Variants in CRPPA observed in about 807,000 individuals in gnomAD.
The protein encoded by CRPPA is D-ribitol-5-phosphate cytidylyltransferase.
In CRPPA, 43 loss-of-function variants were observed where a neutral mutation model predicts 52.0. The observed-to-expected ratio is 0.83, with a 90% CI of 0.65 to 1.07. The LOEUF is 1.07. CRPPA is among the 50% of genes least tolerant of loss of function. The pLI, the probability that CRPPA is intolerant of heterozygous loss-of-function variation, is 0.00. For synonymous variants in CRPPA, 250 were observed against 203.5 expected, an observed-to-expected ratio of 1.23 and a Z score of -1.94; for missense variants, 629 against 551.7, an observed-to-expected ratio of 1.14 and a Z score of -1.40.
chr7:16,338,266 A>G (rs1187964782), intron 3 of CRPPA, among the ~76,000 whole-genome samples: 2 of 152,250 alleles, frequency 1.3e-5, no homozygotes, highest in African/African-American at 4.8e-5. Flanking sequence ...GTAATATACT[A>G]CATTAACAAA....
chr7:16,396,224 C>T (rs1390710076), intron 2 of CRPPA, among the ~76,000 whole-genome samples: 1 of 152,126 alleles, frequency 6.6e-6, no homozygotes, highest in Admixed American at 6.6e-5. Flanking sequence ...ATGAATAAAG[C>T]CTGACCTGAA....
At chr7:16,145,613 G>A (rs1782959657) in intron 9 of CRPPA, among the ~76,000 whole-genome samples, 3 of 146,124 alleles carry the variant, frequency 2.1e-5, no homozygotes, top group African/African-American at 5.0e-5. Context: ...AGGAGAATTA[G>A]AAGTTTAACT....
intron 9 of CRPPA, among the ~76,000 whole-genome samples, chr7:16,187,814 A>G (rs1463722756): frequency 1.3e-5 from 2 of 152,112 alleles, no homozygotes; most frequent in African/African-American, 2.4e-5. Context: ...GATGATGGGA[A>G]GGCAAATCTC....
intron 3 of CRPPA, among the ~76,000 whole-genome samples, chr7:16,358,683 C>T (rs539017230): frequency 6.6e-6 from 1 of 152,170 alleles, no homozygotes; most frequent in African/African-American, 2.4e-5. Context: ...TTCAGAGTAA[C>T]TACTTGAGGC....
intron 8 of CRPPA, among the ~76,000 whole-genome samples, chr7:16,246,963 G>A (rs1013785559): frequency 6.6e-6 from 1 of 152,148 alleles, no homozygotes; most frequent in Non-Finnish European, 1.5e-5. Context: ...TTGAAGCTAG[G>A]CATTGACTTC....
At position 16,090,700 on chromosome 7, in the gene CRPPA, C is replaced by T. The variant is rs1463323975; in HGVS notation, c.*995G>A. Reference sequence around the variant, plus strand: ...ATTGTGCCACTGCACTCCAGCCTGACAGAGGGCGACTGCATTTCAAAACAA... The same window carrying T: ...ATTGTGCCACTGCACTCCAGCCTGATAGAGGGCGACTGCATTTCAAAACAA... On this transcript the variant is annotated 3_prime_UTR_variant, in exon 10 of 10. Transcript: ENST00000407010. 2 of 151,896 alleles carry T rather than the reference C, an allele frequency of 1.3e-5. No homozygotes were observed. Among genetic ancestry groups the T allele is most frequent in the Non-Finnish European group, 2.9e-5 (2 of 68,026 alleles). 9.4% of individuals were successfully genotyped at this position (151,896 alleles called of 1,614,324 possible). A position where few individuals can be genotyped will look rare whatever the true frequency, so the allele number is the denominator to read the frequency against.
At position 16,372,421 on chromosome 7, in the gene CRPPA, C is replaced by T. The variant is rs149258825; in HGVS notation, c.684+3671G>A. Among the ~76,000 whole-genome samples the T allele has an allele frequency of 6.1e-3, 931 of 152,244 alleles. 6 individuals carry two copies. Among genetic ancestry groups the T allele is most frequent in the South Asian group, 0.029 (140 of 4,824 alleles). ...GCCTCCTGAAACAAATAATTGTCAG[C>T]CAAGAATTTTCTATTCAGCCAAACT... On this transcript the variant is annotated intron_variant, in intron 3 of 9. Coordinates refer to ENST00000407010, the MANE Select transcript of CRPPA (RefSeq NM_001101426.4).
intron 9 of CRPPA, among the ~76,000 whole-genome samples, chr7:16,121,157 T>C (rs1237479379): frequency 6.6e-6 from 1 of 152,104 alleles, no homozygotes; most frequent in African/African-American, 2.4e-5. Flanking sequence ...AATTGAAATC[T>C]AGAGAGTCCG....
chr7:16,406,449 G>T lies in CRPPA; in HGVS notation c.258-112C>A. The T allele has an allele frequency of 3.3e-6, 3 of 915,518 alleles. No homozygotes were observed. The South Asian group carries it at 5.3e-5, about 16-fold the overall frequency. The allele number at this position is 915,518 out of a possible 1,614,324, so 56.7% of individuals were successfully genotyped here. A position where few individuals can be genotyped will look rare whatever the true frequency, so the allele number is the denominator to read the frequency against. On this transcript the variant is annotated intron_variant, in intron 1 of 9. Coordinates refer to ENST00000407010, the MANE Select transcript of CRPPA (RefSeq NM_001101426.4). The stretch of plus-strand genomic sequence containing the variant: ...TATTTAAATAGGGAGATTAAAAACT[G>T]CAAGTTAATAAAACAGTTTTATGCA...
At chr7:16,266,326 G>A (rs995707746) in intron 6 of CRPPA, 2 of 152,066 alleles carry the variant, frequency 1.3e-5, no homozygotes, top group African/African-American at 4.8e-5. Flanking sequence ...GTCTTCCTTT[G>A]TGCATCCATC....
chr7:16,104,397 C>T (rs1782106900), intron 9 of CRPPA, among the ~76,000 whole-genome samples: 1 of 152,124 alleles, frequency 6.6e-6, no homozygotes, highest in South Asian at 2.1e-4. Context: ...AAGTCATTCT[C>T]CAGGTGGAAA....
intron 6 of CRPPA, among the ~76,000 whole-genome samples, chr7:16,264,912 C>T (rs145355455): frequency 1.3e-5 from 2 of 152,272 alleles, no homozygotes; most frequent in African/African-American, 4.8e-5. Context: ...TCCAGAACGT[C>T]GTTGCTGTGT....
chr7:16,414,246 G>C (rs1788135113), intron 1 of CRPPA, among the ~76,000 whole-genome samples: 1 of 151,920 alleles, frequency 6.6e-6, no homozygotes, highest in South Asian at 2.1e-4. Flanking sequence ...TCATCACCAA[G>C]TCTGAATAAG....
chr7:16,359,304 T>A (rs1161231003), intron 3 of CRPPA, among the ~76,000 whole-genome samples: 1 of 152,146 alleles, frequency 6.6e-6, no homozygotes, highest in Non-Finnish European at 1.5e-5. Context: ...CATTTTAAAT[T>A]TCATTTCTGC....
intron 9 of CRPPA, among the ~76,000 whole-genome samples, chr7:16,161,987 G>A (rs749547957): frequency 1.4e-4 from 21 of 152,126 alleles, no homozygotes; most frequent in Non-Finnish European, 2.6e-4. Flanking sequence ...GGAGTTTATA[G>A]TATTCTCTGA....
intron 9 of CRPPA, among the ~76,000 whole-genome samples, chr7:16,193,479 T>C (rs1273410335): frequency 6.6e-6 from 1 of 152,128 alleles, no homozygotes; most frequent in Non-Finnish European, 1.5e-5. Context: ...GTAAATTTGC[T>C]TCAATAAACA....
intron 9 of CRPPA, among the ~76,000 whole-genome samples, chr7:16,160,260 G>A (rs1000577493): frequency 2.0e-5 from 3 of 152,170 alleles, no homozygotes; most frequent in Non-Finnish European, 4.4e-5. Context: ...GTCCTGAATA[G>A]TACTGCCTAG....
chr7:16,132,401 T>C (rs1435973428), intron 9 of CRPPA, among the ~76,000 whole-genome samples: 1 of 124,864 alleles, frequency 8.0e-6, no homozygotes, highest in Non-Finnish European at 1.8e-5. Context: ...GAGTCTTAGA[T>C]ACATAATGAA....
At chr7:16,358,080 G>C (rs112437839) in intron 3 of CRPPA, among the ~76,000 whole-genome samples, 3 of 152,268 alleles carry the variant, frequency 2.0e-5, no homozygotes, top group African/African-American at 7.2e-5. Flanking sequence ...GCCAGGACTG[G>C]CATGCAGGAA....
Sources: allele counts gnomAD v4.1 joint callset (sites outside exome capture counted in the v4.1 genomes callset), GRCh38; gene constraint gnomAD v4.1.1; transcripts MANE v1.5; gene names NCBI Gene and HGNC (gene_info 2026-07-23, HGNC 2026-07-21).